GSN: variants seen among roughly 807,000 people sequenced by gnomAD.
The protein encoded by GSN is actin-depolymerizing factor.
In GSN, 56 loss-of-function variants were observed where a neutral mutation model predicts 85.7. The observed-to-expected ratio is 0.65, with a 90% CI of 0.53 to 0.82. The LOEUF (loss-of-function observed/expected upper bound fraction) is 0.82, where lower values mean the gene tolerates loss of function less well. GSN is among the 40% of genes least tolerant of loss of function. The probability of loss-of-function intolerance (pLI) is 0.00; values close to 1 mark genes in which losing one functional copy is unlikely to be tolerated. For missense variants in GSN, 857 were observed against 979.8 expected, an observed-to-expected ratio of 0.87 and a Z score of 1.67; for synonymous variants, 373 against 399.1, an observed-to-expected ratio of 0.93 and a Z score of 0.78.
chr9:121,305,791 T>C (rs1251335713), intron 4 of GSN, among the ~76,000 whole-genome samples: 7 of 152,210 alleles, frequency 4.6e-5, no homozygotes, highest in Non-Finnish European at 2.9e-5. Context: ...GTTTACCACC[T>C]TCTGTAAGTC....
chr9:121,230,870 G>A (rs77165603), intron 4 of GSN, among the ~76,000 whole-genome samples: 4,660 of 152,140 alleles, frequency 0.031, 186 homozygotes, highest in East Asian at 0.16. Context: ...AAAGACCCTC[G>A]CCCACCCTCT....
intron 5 of GSN, among the ~76,000 whole-genome samples, chr9:121,235,064 G>A (rs2054466605): frequency 6.6e-6 from 1 of 152,062 alleles, no homozygotes; most frequent in Non-Finnish European, 1.5e-5. Context: ...AAGTTCTCTC[G>A]CAAGCCCCAG....
Position 121,299,784 on chromosome 9 carries a change from G to A in GSN, c.-9-2179G>A, listed in dbSNP as rs1470316750. ...CTGGGGGGCGGTCCCCGGCTTGGGC[G>A]GGATGGGCGGGCGGCTACTTAAGGT... On this transcript the variant is annotated intron_variant, in intron 2 of 17. Coordinates refer to ENST00000432226, the MANE Select transcript of GSN (RefSeq NM_198252.3). This position sits in a 1 kb window ranked among gnomAD's most constrained non-coding sequence, Gnocchi z 4.2. 13 of 1,233,212 alleles carry A rather than the reference G, an allele frequency of 1.1e-5. No homozygotes were observed. Among genetic ancestry groups the A allele is most frequent in the African/African-American group, 1.6e-5 (1 of 61,966 alleles). 76.4% of individuals were successfully genotyped at this position (1,233,212 alleles called of 1,614,324 possible).
chr9:121,282,456 A>G (rs1330593969), intron 2 of GSN: 19 of 1,292,018 alleles, frequency 1.5e-5, no homozygotes, highest in Non-Finnish European at 1.7e-5. Context: ...GGATGAATGA[A>G]TACAGGACTT....
chr9:121,236,686 G>C (rs2054500258), intron 5 of GSN, among the ~76,000 whole-genome samples: 2 of 152,210 alleles, frequency 1.3e-5, no homozygotes, highest in Admixed American at 1.3e-4. Flanking sequence ...AGAACAGAGA[G>C]ACCAAACAGT....
chr9:121,250,875 GT>G (rs754571875), intron 6 of GSN, among the ~76,000 whole-genome samples: 917 of 25,778 alleles, frequency 0.036, 2 homozygotes, highest in Non-Finnish European at 0.049. Flanking sequence ...TGCTTGGGGT[GT>G]GTGTGTGTGT....
chr9:121,301,701 C>T (rs2059878741), intron 2 of GSN, among the ~76,000 whole-genome samples: 1 of 151,884 alleles, frequency 6.6e-6, no homozygotes, highest in African/African-American at 2.4e-5. Flanking sequence ...CTGTACCCTC[C>T]ATCACCAGAA....
At position 121,329,507 on chromosome 9, in the gene GSN, G is replaced by A. The variant is rs72760300; in HGVS notation, c.1965+192G>A. Among the ~76,000 whole-genome samples the A allele has an allele frequency of 0.058, 8,800 of 152,146 alleles. 316 individuals are homozygous for A. The highest frequency in any genetic ancestry group is 0.16 in the East Asian group (827 of 5,176). On this transcript the variant is annotated intron_variant, in intron 16 of 17. Coordinates refer to ENST00000432226, the MANE Select transcript of GSN (RefSeq NM_198252.3). This position sits in a 1 kb window ranked among gnomAD's most constrained non-coding sequence, Gnocchi z 4.6. Reference sequence around the variant, plus strand: ...TCCTCATCTGTAAACTGGGAGTGGCGGTACCTCCCTTGCAGATACACTCAC... The same window carrying A: ...TCCTCATCTGTAAACTGGGAGTGGCAGTACCTCCCTTGCAGATACACTCAC...
At chr9:121,302,281 C>A in intron 3 of GSN, 114 bp downstream of exon 3, 3 of 1,212,594 alleles carry the variant, frequency 2.5e-6, no homozygotes, top group Non-Finnish European at 2.4e-6. Flanking sequence ...ATGTGCTGGG[C>A]CCTTGACTGG....
intron 4 of GSN, among the ~76,000 whole-genome samples, chr9:121,228,403 C>CACATATATATATATAT (rs1475020604): frequency 3.2e-5 from 2 of 63,196 alleles, no homozygotes; most frequent in Non-Finnish European, 5.5e-5. Context: ...CATTGATTAA[C>CACATATATATATATAT]ATATATATAT....
chr9:121,273,532 A>T (rs1333225232), intron 1 of GSN, among the ~76,000 whole-genome samples: 1 of 152,176 alleles, frequency 6.6e-6, no homozygotes, highest in Non-Finnish European at 1.5e-5. Context: ...AAAAGTATAT[A>T]TATAAAAAAG....
At chr9:121,321,499 C>CCACCA in intron 11 of GSN, 98 bp downstream of exon 11, 1 of 1,148,014 alleles carries the variant, frequency 8.7e-7, no homozygotes, top group Non-Finnish European at 1.3e-6. Context: ...TGAGGTGGGA[C>CCACCA]CACCACTCCC....
rs1374932864 is a variant in GSN at position 121,317,184 on chromosome 9, C to T, written c.852C>T (p.Asp284=). 6.2e-7 allele frequency: 1 copy of T among 1,614,164 alleles called. No homozygotes were observed. Among genetic ancestry groups the T allele is most frequent in the African/African-American group, 1.3e-5 (1 of 75,056 alleles). Residue 284 remains aspartate, a synonymous_variant, in exon 8 of 18, where the codon GAC becomes GAT. Coordinates refer to ENST00000432226, the MANE Select transcript of GSN (RefSeq NM_198252.3). ...ALKSEDCFIL[D]HGKDGKIFVW... ...AGTCAGAGGACTGCTTCATCCTGGA[C>T]CACGGCAAAGATGGGAAAATCTTTG...
chr9:121,287,392 A>C (rs577550560), intron 2 of GSN, among the ~76,000 whole-genome samples: 1 of 152,250 alleles, frequency 6.6e-6, no homozygotes, highest in African/African-American at 2.4e-5. Context: ...TGAAAGGAAG[A>C]TGTGGGCCCA....
intron 4 of GSN, among the ~76,000 whole-genome samples, chr9:121,303,474 G>A (rs1482272804): frequency 6.6e-6 from 1 of 152,198 alleles, no homozygotes; most frequent in Non-Finnish European, 1.5e-5. Flanking sequence ...GTATTTAATA[G>A]GGCATTGTTA....
chr9:121,328,631 C>G (rs2063518358), intron 14 of GSN, among the ~76,000 whole-genome samples: 1 of 152,188 alleles, frequency 6.6e-6, no homozygotes, highest in Non-Finnish European at 1.5e-5. Context: ...GGTCCTCATC[C>G]CGCAATGCTG....
chr9:121,211,035 A>G (rs1485352966), intron 4 of GSN, among the ~76,000 whole-genome samples: 1 of 152,248 alleles, frequency 6.6e-6, no homozygotes, highest in Non-Finnish European at 1.5e-5. Flanking sequence ...ATGCGACAAC[A>G]AGGATGAACC....
At chr9:121,274,863 T>A (rs1396711349) in intron 1 of GSN, among the ~76,000 whole-genome samples, 3 of 152,202 alleles carry the variant, frequency 2.0e-5, no homozygotes, top group African/African-American at 7.2e-5. Context: ...TAAACAGACT[T>A]AGCAGGATTC....
intron 1 of GSN, among the ~76,000 whole-genome samples, chr9:121,272,590 T>C (rs1017518387): frequency 1.3e-5 from 2 of 152,232 alleles, no homozygotes; most frequent in South Asian, 4.1e-4. Context: ...CGGACTGAAT[T>C]GATTGCCCCA....
Sources: gnomAD v4.1 joint callset for allele counts (sites outside exome capture counted in the v4.1 genomes callset) on GRCh38, gnomAD v4.1.1 for gene constraint, Gnocchi (gnomAD v3.1) non-coding constraint, MANE v1.5 for transcripts, NCBI Gene and HGNC (gene_info 2026-07-23, HGNC 2026-07-21) for gene names.